Variants in SMOC1 observed in about 807,000 individuals in gnomAD.
SMOC1 encodes the protein SPARC-related modular calcium-binding protein 1.
SMOC1 carries 22 observed loss-of-function variants against 56.3 expected under a neutral mutation model. That is an observed-to-expected ratio of 0.39 (90% CI 0.28 to 0.56). The LOEUF (loss-of-function observed/expected upper bound fraction) is 0.56, where lower values mean the gene tolerates loss of function less well. SMOC1 is among the 20% of genes least tolerant of loss of function. SMOC1 has a pLI of 0.61. For synonymous variants in SMOC1, 193 were observed against 215.0 expected, an observed-to-expected ratio of 0.90 and a Z score of 0.89; for missense variants, 509 against 565.4, an observed-to-expected ratio of 0.90 and a Z score of 1.01.
intron 1 of SMOC1, among the ~76,000 whole-genome samples, chr14:69,949,678 G>T (rs1882922824): frequency 6.6e-6 from 1 of 152,178 alleles, no homozygotes; most frequent in Admixed American, 6.5e-5. Flanking sequence ...GTGCCTGAAG[G>T]CCTGGAAGTA....
At chr14:69,972,483 A>T (rs1202028105) in intron 3 of SMOC1, among the ~76,000 whole-genome samples, 2 of 152,162 alleles carry the variant, frequency 1.3e-5, no homozygotes, top group Non-Finnish European at 2.9e-5. Context: ...TCACAGGCAC[A>T]TGGCAACAAT....
intron 5 of SMOC1, among the ~76,000 whole-genome samples, chr14:69,983,222 A>G (rs1206124328): frequency 2.0e-5 from 3 of 152,208 alleles, no homozygotes; most frequent in African/African-American, 4.8e-5. Flanking sequence ...TGGAGAGAGA[A>G]TAAGATTTAG....
intron 1 of SMOC1, among the ~76,000 whole-genome samples, chr14:69,900,019 C>T (rs927072788): frequency 6.6e-6 from 1 of 152,172 alleles, no homozygotes; most frequent in Non-Finnish European, 1.5e-5. Context: ...CTGGAGGCTA[C>T]CAAGCTTCTT....
chr14:69,896,400 A>G (rs1030721540), intron 1 of SMOC1, among the ~76,000 whole-genome samples: 2 of 152,196 alleles, frequency 1.3e-5, no homozygotes, highest in Non-Finnish European at 2.9e-5. Flanking sequence ...ACTAAGCTCC[A>G]TGCTTCAGCT....
At chr14:69,954,573 G>A (rs1012540922) in intron 3 of SMOC1, among the ~76,000 whole-genome samples, 11 of 152,208 alleles carry the variant, frequency 7.2e-5, no homozygotes, top group Admixed American at 2.0e-4. Context: ...TGGCTGAGGT[G>A]GGAGGCAGCC....
intron 1 of SMOC1, among the ~76,000 whole-genome samples, chr14:69,949,243 AG>A (rs904509082): frequency 4.6e-5 from 7 of 152,190 alleles, no homozygotes; most frequent in African/African-American, 1.7e-4. Flanking sequence ...CTGTAAGCAC[AG>A]GGGCATGAGG....
At chr14:69,975,675 G>C in intron 3 of SMOC1, 40 bp from the exon 4 acceptor site, 9 of 1,452,660 alleles carry the variant, frequency 6.2e-6, no homozygotes, top group Non-Finnish European at 8.7e-6. Context: ...TATTGTGACC[G>C]AGACTTATGG....
At chr14:69,983,368 T>C (rs1214475869) in intron 5 of SMOC1, among the ~76,000 whole-genome samples, 10 of 152,230 alleles carry the variant, frequency 6.6e-5, no homozygotes, top group Non-Finnish European at 1.5e-4. Flanking sequence ...CTTGTTATCG[T>C]CACTAAGGAC....
At chr14:70,021,704 C>G (rs1157949517) in intron 10 of SMOC1, among the ~76,000 whole-genome samples, 1 of 151,840 alleles carries the variant, frequency 6.6e-6, no homozygotes, top group Non-Finnish European at 1.5e-5. Context: ...GGATGGATGA[C>G]TGGCTTTTTT....
intron 1 of SMOC1, among the ~76,000 whole-genome samples, chr14:69,932,289 C>G (rs1345214230): frequency 6.6e-6 from 1 of 152,184 alleles, no homozygotes; most frequent in African/African-American, 2.4e-5. Flanking sequence ...GGGTCAGTGG[C>G]TTTATAGTAA....
At chr14:69,891,958 T>C (rs1041752861) in intron 1 of SMOC1, among the ~76,000 whole-genome samples, 1 of 152,188 alleles carries the variant, frequency 6.6e-6, no homozygotes, top group Non-Finnish European at 1.5e-5. Context: ...CTTTTGTAAA[T>C]TACCTGCCCA....
chr14:69,889,461 A>G (rs1029647815), intron 1 of SMOC1, among the ~76,000 whole-genome samples: 1 of 152,188 alleles, frequency 6.6e-6, no homozygotes, highest in Non-Finnish European at 1.5e-5. Flanking sequence ...CAGCCTCAGC[A>G]TAGGCTCAGA....
chr14:69,972,683 T>G (rs1259013186), intron 3 of SMOC1, among the ~76,000 whole-genome samples: 1 of 152,114 alleles, frequency 6.6e-6, no homozygotes, highest in East Asian at 1.9e-4. Flanking sequence ...TGGGATACAA[T>G]GGGCACACTC....
At chr14:69,927,018 G>A (rs1478705372) in intron 1 of SMOC1, among the ~76,000 whole-genome samples, 2 of 152,226 alleles carry the variant, frequency 1.3e-5, no homozygotes, top group Admixed American at 6.5e-5. Context: ...AATTCTTCAT[G>A]TGTCTTCACT....
At chr14:69,892,605 A>G (rs1883992573) in intron 1 of SMOC1, among the ~76,000 whole-genome samples, 5 of 152,172 alleles carry the variant, frequency 3.3e-5, no homozygotes, top group Admixed American at 3.3e-4. Context: ...CCTTACCCAC[A>G]TTCGACCATG....
At chr14:69,978,129 G>A (rs1471349033) in intron 5 of SMOC1, 164 bp downstream of exon 5, 1 of 702,450 alleles carries the variant, frequency 1.4e-6, no homozygotes, top group Non-Finnish European at 2.6e-6. Flanking sequence ...CCCGAGGTAA[G>A]TAAGGCTCAT....
intron 7 of SMOC1, 91 bp from the exon 8 acceptor site, chr14:70,010,663 C>G: frequency 7.2e-7 from 1 of 1,390,076 alleles, no homozygotes. Context: ...CAGGCCTGGT[C>G]CTTGCTACTT....
intron 1 of SMOC1, among the ~76,000 whole-genome samples, chr14:69,945,247 A>G (rs75260100): frequency 0.032 from 4,911 of 152,338 alleles, 106 homozygotes; most frequent in Non-Finnish European, 0.048. Context: ...ATAATGCAGT[A>G]TATCGAGGGT....
intron 1 of SMOC1, among the ~76,000 whole-genome samples, chr14:69,904,073 G>T (rs1042731369): frequency 6.6e-6 from 1 of 152,304 alleles, no homozygotes; most frequent in African/African-American, 2.4e-5. Flanking sequence ...GGTGAAACCA[G>T]CAGGTGGATG....
Sources: allele counts gnomAD v4.1 joint callset (sites outside exome capture counted in the v4.1 genomes callset), GRCh38; gene constraint gnomAD v4.1.1; transcripts MANE v1.5; gene names NCBI Gene and HGNC (gene_info 2026-07-23, HGNC 2026-07-21).